Variants in NPAS1 observed in about 807,000 individuals in gnomAD.
NPAS1 encodes the protein neuronal PAS domain protein 1, also known as neuronal PAS domain-containing protein 1.
A neutral mutation model predicts 49.2 loss-of-function variants in NPAS1; 29 were observed. That is an observed-to-expected ratio of 0.59 (90% CI 0.44 to 0.80). The LOEUF is 0.80. Among genes scored for constraint, NPAS1 ranks in the 30% least tolerant of loss-of-function variants. The probability of loss-of-function intolerance (pLI) is 0.00; values close to 1 mark genes in which losing one functional copy is unlikely to be tolerated. For missense variants in NPAS1, 825 were observed against 835.5 expected, an observed-to-expected ratio of 0.99 and a Z score of 0.15; for synonymous variants, 408 against 380.4, an observed-to-expected ratio of 1.07 and a Z score of -0.84.
intron 3 of NPAS1, among the ~76,000 whole-genome samples, chr19:47,028,778 G>A (rs530184269): frequency 2.0e-5 from 3 of 152,202 alleles, no homozygotes; most frequent in East Asian, 1.9e-4. Flanking sequence ...AGGTCACCAA[G>A]TCTCTCCCCT....
At chr19:47,037,919 CCT>C (rs1472299377) in intron 6 of NPAS1, among the ~76,000 whole-genome samples, 3 of 152,182 alleles carry the variant, frequency 2.0e-5, no homozygotes, top group Non-Finnish European at 4.4e-5. Context: ...TGGGCCAGCC[CCT>C]GTCCTGGTGA....
intron 6 of NPAS1, among the ~76,000 whole-genome samples, chr19:47,036,564 C>A (rs2056958569): frequency 6.6e-6 from 1 of 152,000 alleles, no homozygotes; most frequent in Non-Finnish European, 1.5e-5. Flanking sequence ...ATAGTGAAAC[C>A]TCATCTCTAC....
chr19:47,020,055 G>A, intron 1 of NPAS1, 58 bp downstream of exon 1: 2 of 365,998 alleles, frequency 5.5e-6, no homozygotes, highest in Non-Finnish European at 9.7e-6. Flanking sequence ...AGGAATGGGG[G>A]GCTGGAACTC....
Position 47,039,426 on chromosome 19 carries a change from G to A in NPAS1, c.824G>A (p.Arg275His), listed in dbSNP as rs781209604. The A allele has an allele frequency of 1.7e-5, 27 of 1,611,658 alleles. No homozygotes were observed. The highest frequency in any genetic ancestry group is 2.2e-5 in the East Asian group (1 of 44,888). ...CAGCAGGTCATCCACGTGACTGGGC[G>A]CCTTCGGGCCCACGCCCTGGGCCTT... ...SGYKVIHVTG[R>H]LRAHALGLVA... The change falls in exon 8 of 12, where the codon CGC (arginine) becomes CAC (histidine). Residue 275 changes from arginine (R) to histidine (H), a missense_variant. Physicochemically the swap from Arg to His is conservative, Grantham distance 29 (BLOSUM62 0). Transcript: ENST00000602212.
chr19:47,045,456 G>T lies in NPAS1; in HGVS notation c.1578G>T (p.Ala526=). 1 of 1,591,876 alleles carries T rather than the reference G, an allele frequency of 6.3e-7. No homozygotes were observed. The highest frequency in any genetic ancestry group is 8.5e-7 in the Non-Finnish European group (1 of 1,171,550). ...PGDPPPTLLH[A]GFLPPVVRGL... ...ACCCCCCGCCCACCCTCCTGCACGC[G>T]GGCTTCCTGCCGCCGGTGGTGCGGG... is the stretch of plus-strand genomic sequence containing the variant. The change falls in exon 12 of 12, where the codon GCG becomes GCT. Residue 526 remains alanine (A), a synonymous_variant. Transcript: ENST00000602212.
intron 6 of NPAS1, among the ~76,000 whole-genome samples, chr19:47,038,256 C>T (rs556243681): frequency 5.3e-5 from 8 of 152,282 alleles, no homozygotes; most frequent in East Asian, 3.9e-4. Flanking sequence ...CAGTGGCTCA[C>T]GCCTGTAATC....
intron 11 of NPAS1, among the ~76,000 whole-genome samples, chr19:47,043,566 G>A (rs1214596317): frequency 9.2e-5 from 14 of 151,890 alleles, no homozygotes; most frequent in Non-Finnish European, 1.5e-5. Context: ...CTCCAGTCTA[G>A]GTGACAGAGC....
chr19:47,037,378 A>C (rs1478096267), intron 6 of NPAS1, among the ~76,000 whole-genome samples: 1 of 148,910 alleles, frequency 6.7e-6, no homozygotes, highest in Admixed American at 6.7e-5. Flanking sequence ...ATTGCATTAG[A>C]TCCTAAGCGC....
Position 47,040,447 on chromosome 19 carries a change from C to A in NPAS1, c.966C>A (p.Val322=). ...GLTILACESR[V]SDHMDLGPSE... ...CCTCTTCTCTGTCACCCCCCAGAGT[C>A]AGCGACCACATGGACCTGGGGCCCT... is the stretch of plus-strand genomic sequence containing the variant. The change falls in exon 9 of 12, where the codon GTC becomes GTA. Residue 322 remains valine (V), a synonymous_variant. Transcript: ENST00000602212. The A allele has an allele frequency of 6.3e-7, 1 of 1,590,530 alleles. No individual in the cohort carries two copies. Among genetic ancestry groups the A allele is most frequent in the Non-Finnish European group, 8.6e-7 (1 of 1,168,672 alleles).
chr19:47,045,676 G>T lies in NPAS1; in HGVS notation c.*25G>T. 7.2e-7 allele frequency: 1 copy of T among 1,397,248 alleles called. No individual in the cohort carries two copies. Among genetic ancestry groups the T allele is most frequent in the South Asian group, 1.6e-5 (1 of 64,020 alleles). The allele number at this position is 1,397,248 out of a possible 1,614,324, so 86.6% of individuals were successfully genotyped here. The stretch of plus-strand genomic sequence containing the variant: ...AGGACTGGCAGAGCTGCCGGCGCCG[G>T]ACCCTGCGACAACCGGGGTCCCCCA... On this transcript the variant is annotated 3_prime_UTR_variant, in exon 12 of 12. Transcript: ENST00000602212.
At chr19:47,033,055 T>G (rs2056918881) in intron 5 of NPAS1, among the ~76,000 whole-genome samples, 1 of 152,152 alleles carries the variant, frequency 6.6e-6, no homozygotes. Flanking sequence ...TTCTCCTGCC[T>G]CAGCCTCCTG....
chr19:47,033,975 T>TAA (rs532811476), intron 5 of NPAS1, among the ~76,000 whole-genome samples: 3 of 100,844 alleles, frequency 3.0e-5, no homozygotes, highest in African/African-American at 3.9e-5. Context: ...GGCTATGCCT[T>TAA]AAAAAAAAAA....
chr19:47,029,473 C>T (rs1001833828), intron 3 of NPAS1, among the ~76,000 whole-genome samples: 3 of 152,152 alleles, frequency 2.0e-5, no homozygotes, highest in Non-Finnish European at 4.4e-5. Flanking sequence ...GATCTCAGCT[C>T]ACTGCAACCT....
At chr19:47,041,391 G>C (rs1168314405) in intron 10 of NPAS1, among the ~76,000 whole-genome samples, 5 of 152,126 alleles carry the variant, frequency 3.3e-5, no homozygotes, top group Admixed American at 2.6e-4. Flanking sequence ...CTCAGGCTCA[G>C]GTGGAGGGTC....
At chr19:47,023,942 T>TA (rs2056857151) in intron 3 of NPAS1, among the ~76,000 whole-genome samples, 1 of 151,738 alleles carries the variant, frequency 6.6e-6, no homozygotes, top group East Asian at 1.9e-4. Context: ...CCATCTCTAC[T>TA]AAAATACAAA....
rs748777554 is a variant in NPAS1, at chr19:47,021,119, C to A, written c.72C>A (p.Val24=). Residue 24 remains valine, a synonymous_variant, in exon 2 of 12, where the codon GTC becomes GTA. Transcript: ENST00000602212. This position sits in a 1 kb window ranked among gnomAD's most constrained non-coding sequence, Gnocchi z 5.7. ...GCGTGGGAGGCCGCGGCGCCAGCGT[C>A]CCCTGGGACTTTCTACCCGGGCTGA... ...VKCVGGRGAS[V]PWDFLPGLMV... 2 of 1,601,630 alleles carry A rather than the reference C, an allele frequency of 1.2e-6. No individual in the cohort carries two copies. Among genetic ancestry groups the A allele is most frequent in the Non-Finnish European group, 1.7e-6 (2 of 1,174,932 alleles).
Position 47,021,920 on chromosome 19 carries a change from C to A in NPAS1, c.358+73C>A. On this transcript the variant is annotated intron_variant, in intron 3 of 11. Transcript: ENST00000602212. The surrounding 1 kb of genome is among the most constrained non-coding windows in gnomAD (Gnocchi z 5.7). ...GTCACTGCAGCCCAGATCCGGGCTGCGGGCCTGCCCTCGCCCAGATGCTTG... is the reference window on the plus strand; with the variant it reads ...GTCACTGCAGCCCAGATCCGGGCTGAGGGCCTGCCCTCGCCCAGATGCTTG... 1 of 997,932 alleles carries A rather than the reference C, an allele frequency of 1.0e-6. No individual in the cohort carries two copies. Among genetic ancestry groups the A allele is most frequent in the Non-Finnish European group, 1.4e-6 (1 of 732,218 alleles). 61.8% of individuals were successfully genotyped at this position (997,932 alleles called of 1,614,324 possible).
At chr19:47,036,858 G>A (rs1018217106) in intron 6 of NPAS1, among the ~76,000 whole-genome samples, 11 of 151,870 alleles carry the variant, frequency 7.2e-5, no homozygotes, top group South Asian at 2.1e-4. Context: ...CTCCAGCCTG[G>A]GCGAGTCCAA....
At chr19:47,030,585 C>T (rs1019085285) in intron 3 of NPAS1, among the ~76,000 whole-genome samples, 43 of 151,260 alleles carry the variant, frequency 2.8e-4, no homozygotes, top group Admixed American at 2.7e-3. Context: ...CCACCTCAGC[C>T]TCCCAAAGTG....
Sources: allele counts gnomAD v4.1 joint callset (sites outside exome capture counted in the v4.1 genomes callset), GRCh38; gene constraint gnomAD v4.1.1; non-coding constraint Gnocchi (gnomAD v3.1); transcripts MANE v1.5; gene names NCBI Gene and HGNC (gene_info 2026-07-23, HGNC 2026-07-21).